Variants in CDH13 observed in about 807,000 individuals in gnomAD.
CDH13 encodes cadherin-13.
CDH13 carries 24 observed loss-of-function variants against 63.8 expected under a neutral mutation model. The observed-to-expected ratio is 0.38, with a 90% confidence interval of 0.27 to 0.53. The LOEUF (loss-of-function observed/expected upper bound fraction) is 0.53, where lower values mean the gene tolerates loss of function less well. Ranked by LOEUF, CDH13 falls within the 20% of genes least tolerant of loss-of-function variation. CDH13 has a pLI of 0.85. For synonymous variants in CDH13, 503 were observed against 355.3 expected, an observed-to-expected ratio of 1.42 and a Z score of -4.67; for missense variants, 1,049 against 903.1, an observed-to-expected ratio of 1.16 and a Z score of -2.07.
chr16:83,435,337 C>T (rs2072261872), intron 6 of CDH13, among the ~76,000 whole-genome samples: 1 of 152,134 alleles, frequency 6.6e-6, no homozygotes, highest in African/African-American at 2.4e-5. Context: ...AGCCACTATG[C>T]CTGGCCCCCT....
intron 5 of CDH13, among the ~76,000 whole-genome samples, chr16:83,269,291 G>A (rs997645303): frequency 5.6e-4 from 85 of 152,244 alleles, no homozygotes; most frequent in Middle Eastern, 3.4e-3. Context: ...CCTAAAGTGG[G>A]GGGCAGATCC....
intron 10 of CDH13, among the ~76,000 whole-genome samples, chr16:83,724,682 C>A (rs967693768): frequency 6.6e-6 from 1 of 152,182 alleles, no homozygotes; most frequent in Admixed American, 6.5e-5. Flanking sequence ...AGGAGCCTAT[C>A]TCCTAAGCTC....
chr16:83,290,225 T>A (rs1290271828), intron 5 of CDH13, among the ~76,000 whole-genome samples: 1 of 152,238 alleles, frequency 6.6e-6, no homozygotes, highest in Non-Finnish European at 1.5e-5. Context: ...TAATTGTTAG[T>A]ATTTACAATG....
intron 4 of CDH13, among the ~76,000 whole-genome samples, chr16:83,205,179 AC>A: frequency 6.6e-6 from 1 of 152,344 alleles, no homozygotes; most frequent in East Asian, 1.9e-4. Context: ...AAGCAGAACA[AC>A]CAAAGGCAAA....
intron 11 of CDH13, among the ~76,000 whole-genome samples, chr16:83,775,824 A>T (rs1426757760): frequency 6.6e-6 from 1 of 152,162 alleles, no homozygotes; most frequent in African/African-American, 2.4e-5. Context: ...CTTGGTTATG[A>T]GTGGTTCCAT....
intron 3 of CDH13, among the ~76,000 whole-genome samples, chr16:83,123,630 A>G (rs1046219958): frequency 2.6e-5 from 4 of 152,018 alleles, no homozygotes; most frequent in African/African-American, 9.7e-5. Context: ...GGTTCATTCC[A>G]TGTCTTTGCT....
intron 7 of CDH13, among the ~76,000 whole-genome samples, chr16:83,508,110 A>AGGAAGGAG (rs1476708476): frequency 2.4e-5 from 1 of 42,496 alleles, no homozygotes; most frequent in Non-Finnish European, 4.5e-5. Context: ...GAAGGAAGGA[A>AGGAAGGAG]AAGGAAGGAA....
rs576205221 is a variant in CDH13, at chr16:83,234,921, G to A, written c.636+17424G>A. On this transcript the variant is annotated intron_variant, in intron 5 of 13. Coordinates refer to ENST00000567109, the MANE Select transcript of CDH13 (RefSeq NM_001257.5). ...CTGTTAACTGCTTGGTTTGGGCCGG[G>A]CACCGTGGCTCACGCCTGTAATCCC... 3.3e-5 allele frequency among the ~76,000 whole-genome samples: 5 copies of A among 152,280 alleles called. No homozygotes were observed. In the South Asian group the frequency reaches 1.0e-3, roughly 32 times the overall value.
At chr16:82,884,028 G>C (rs2040797673) in intron 2 of CDH13, among the ~76,000 whole-genome samples, 1 of 151,948 alleles carries the variant, frequency 6.6e-6, no homozygotes, top group African/African-American at 2.4e-5. Context: ...TTTTTTGGGT[G>C]TATGAGATGA....
At chr16:83,647,309 T>G (rs2150813446) in intron 8 of CDH13, among the ~76,000 whole-genome samples, 1 of 127,168 alleles carries the variant, frequency 7.9e-6, no homozygotes, top group South Asian at 2.6e-4. Flanking sequence ...TGAGACTCTG[T>G]CTCAAAAAAA....
At chr16:83,058,409 C>T (rs4315315) in intron 3 of CDH13, among the ~76,000 whole-genome samples, 77,644 of 152,098 alleles carry the variant, frequency 0.51, 20,206 homozygotes, top group African/African-American at 0.62. Context: ...GTTTGGTGTT[C>T]CTATGTTTCA....
At chr16:83,027,477 G>C (rs1464531283) in intron 2 of CDH13, among the ~76,000 whole-genome samples, 3 of 152,180 alleles carry the variant, frequency 2.0e-5, no homozygotes, top group African/African-American at 7.2e-5. Flanking sequence ...TACACAAAGG[G>C]TGGGACAGTA....
intron 4 of CDH13, among the ~76,000 whole-genome samples, chr16:83,187,903 A>G (rs1417912959): frequency 6.6e-6 from 1 of 152,156 alleles, no homozygotes; most frequent in African/African-American, 2.4e-5. Context: ...GAACTGATGA[A>G]CTGGGATGAG....
rs192071166 is a variant in CDH13, at chr16:83,336,256, A to C, written c.637-8606A>C. On this transcript the variant is annotated intron_variant, in intron 5 of 13. Transcript: ENST00000567109. The stretch of plus-strand genomic sequence containing the variant: ...GCAGAGATTGCAGTGAACCAAGATC[A>C]CGCCACTGTACTCCAGCATGGGTGA... Among the ~76,000 whole-genome samples, 46 of 149,428 alleles carry C rather than the reference A, an allele frequency of 3.1e-4. No individual in the cohort carries two copies. The East Asian group carries it at 8.9e-3, about 29-fold the overall frequency.
intron 7 of CDH13, among the ~76,000 whole-genome samples, chr16:83,517,893 AG>A (rs2074736078): frequency 6.6e-6 from 1 of 152,164 alleles, no homozygotes; most frequent in Admixed American, 6.5e-5. Context: ...TAATTTTCAC[AG>A]CAACTCTGAG....
intron 2 of CDH13, among the ~76,000 whole-genome samples, chr16:83,015,657 A>ATCTG (rs1555562836): frequency 1.2e-5 from 1 of 82,072 alleles, no homozygotes; most frequent in Non-Finnish European, 2.2e-5. Flanking sequence ...TGCAGCATAT[A>ATCTG]TGTGTGTGTG....
At chr16:83,099,449 G>C (rs1221991700) in intron 3 of CDH13, among the ~76,000 whole-genome samples, 1 of 151,582 alleles carries the variant, frequency 6.6e-6, no homozygotes, top group Non-Finnish European at 1.5e-5. Flanking sequence ...TCAGCCTCCA[G>C]AGTAGCTGGG....
chr16:83,178,882 C>G (rs922211980), intron 4 of CDH13, among the ~76,000 whole-genome samples: 1 of 152,152 alleles, frequency 6.6e-6, no homozygotes, highest in African/African-American at 2.4e-5. Context: ...TTCACTCTCC[C>G]CTAACTTATT....
rs1215694768 is a variant in CDH13 at position 83,564,412 on chromosome 16, TTTTG to T, written c.961-38038_961-38035del. Reference sequence around the variant, plus strand: ...ATGGGATGACTCTTTTTTTTTTTTTTTTTGTTTTTGTTTTGAGATGGAGTCTCAC... The same window carrying T: ...ATGGGATGACTCTTTTTTTTTTTTTTTTTTTGTTTTGAGATGGAGTCTCAC... On this transcript the variant is annotated intron_variant, in intron 7 of 13. Coordinates refer to ENST00000567109, the MANE Select transcript of CDH13 (RefSeq NM_001257.5). 2.9e-3 allele frequency among the ~76,000 whole-genome samples: 100 copies of T among 34,954 alleles called. 3 individuals are homozygous for T. Among genetic ancestry groups the T allele is most frequent in the Non-Finnish European group, 4.4e-3 (47 of 10,634 alleles). 22.9% of individuals were successfully genotyped at this position (34,954 alleles called of 152,430 possible).
Sources: gnomAD v4.1 joint callset for allele counts (sites outside exome capture counted in the v4.1 genomes callset) on GRCh38, gnomAD v4.1.1 for gene constraint, MANE v1.5 for transcripts, NCBI Gene and HGNC (gene_info 2026-07-23, HGNC 2026-07-21) for gene names.